The following GRM4 variants were observed in gnomAD, a reference collection of about 807,000 sequenced individuals.
GRM4 encodes glutamate metabotropic receptor 4, also known as metabotropic glutamate receptor 4.
In GRM4, 28 loss-of-function variants were observed where a neutral mutation model predicts 81.7. The ratio of observed to expected loss-of-function variants is 0.34; its 90% CI spans 0.25 to 0.47. The LOEUF (loss-of-function observed/expected upper bound fraction) is 0.47. Among genes scored for constraint, GRM4 ranks in the 20% least tolerant of loss-of-function variants. The pLI, the probability that GRM4 is intolerant of heterozygous loss-of-function variation, is 1.00. For synonymous variants in GRM4, 488 were observed against 528.8 expected, an observed-to-expected ratio of 0.92 and a Z score of 1.06; for missense variants, 948 against 1,290.0, an observed-to-expected ratio of 0.73 and a Z score of 4.06.
At chr6:34,098,925 C>T (rs554592716) in intron 2 of GRM4, among the ~76,000 whole-genome samples, 1 of 152,214 alleles carries the variant, frequency 6.6e-6, no homozygotes, top group African/African-American at 2.4e-5. Context: ...TTGCCAGCTG[C>T]CCTTCCCTCC....
intron 1 of GRM4, among the ~76,000 whole-genome samples, chr6:34,135,888 T>C (rs1225752207): frequency 6.6e-6 from 1 of 151,482 alleles, no homozygotes; most frequent in Non-Finnish European, 1.5e-5. Context: ...AATGGGTGAG[T>C]TGGAGTGAAA....
In GRM4 at chr6:34,069,621, C is replaced by T. The variant is rs1354545929; in HGVS notation, c.737-7593G>A. On this transcript the variant is annotated intron_variant, in intron 3 of 10. Coordinates refer to ENST00000538487, the MANE Select transcript of GRM4 (RefSeq NM_000841.4). The surrounding 1 kb of genome is among the most constrained non-coding windows in gnomAD (Gnocchi z 6.4). Reference sequence around the variant, plus strand: ...AGTCTCCAGCCCCTCAACACACTCCCGGCTTTACAACCCTTGGCAGCCCCC... The same window carrying T: ...AGTCTCCAGCCCCTCAACACACTCCTGGCTTTACAACCCTTGGCAGCCCCC... 6.7e-6 allele frequency among the ~76,000 whole-genome samples: 1 copy of T among 150,186 alleles called. No individual in the cohort carries two copies. Among genetic ancestry groups the T allele is most frequent in the South Asian group, 2.1e-4 (1 of 4,738 alleles).
intron 3 of GRM4, 82 bp downstream of exon 3, chr6:34,091,801 G>T: frequency 2.0e-6 from 2 of 1,020,524 alleles, no homozygotes; most frequent in Non-Finnish European, 3.0e-6. Flanking sequence ...TCAGGCCCCG[G>T]CTGGGAGCTC....
At position 34,048,350 on chromosome 6, in the gene GRM4, C is replaced by T. The variant is rs1581616223; in HGVS notation, c.1169-7602G>A. ...AGGAGAGTCACACCTGGCGCCTGCA[C>T]AGCCCCGTGCCCAAGAAGGATCAGC... On this transcript the variant is annotated intron_variant, in intron 6 of 10. Coordinates refer to ENST00000538487, the MANE Select transcript of GRM4 (RefSeq NM_000841.4). The surrounding 1 kb of genome is among the most constrained non-coding windows in gnomAD (Gnocchi z 4.0). Among the ~76,000 whole-genome samples, 1 of 152,090 alleles carries T rather than the reference C, an allele frequency of 6.6e-6. No individual in the cohort carries two copies. The highest frequency in any genetic ancestry group is 1.5e-5 in the Non-Finnish European group (1 of 68,014).
At chr6:34,091,130 C>T (rs1217221788) in intron 3 of GRM4, among the ~76,000 whole-genome samples, 1 of 152,200 alleles carries the variant, frequency 6.6e-6, no homozygotes, top group Non-Finnish European at 1.5e-5. Flanking sequence ...CCAGCCCTCT[C>T]AGGGCACCAG....
rs540395167 is a variant in GRM4 at position 34,074,513 on chromosome 6, G to T, written c.737-12485C>A. On this transcript the variant is annotated intron_variant, in intron 3 of 10. Transcript: ENST00000538487. This position sits in a 1 kb window ranked among gnomAD's most constrained non-coding sequence, Gnocchi z 4.9. Reference sequence around the variant, plus strand: ...TGGGCAGCGCAGGCAGTGTGGCTCAGAGCTGAGCCCTGCCGTCCCCTGCCA... The same window carrying T: ...TGGGCAGCGCAGGCAGTGTGGCTCATAGCTGAGCCCTGCCGTCCCCTGCCA... Among the ~76,000 whole-genome samples the T allele has an allele frequency of 1.4e-5, 2 of 138,674 alleles. No homozygotes were observed. 91.0% of individuals were successfully genotyped at this position (138,674 alleles called of 152,430 possible).
intron 3 of GRM4, among the ~76,000 whole-genome samples, chr6:34,073,071 C>CCA (rs1352465032): frequency 7.8e-5 from 2 of 25,504 alleles, no homozygotes; most frequent in South Asian, 1.4e-3. Context: ...CAGATACACA[C>CCA]CACACACATG....
At position 34,133,934 on chromosome 6, in the gene GRM4, A is replaced by G. The variant is rs963733; in HGVS notation, c.-363-75T>C. 0.011 allele frequency: 6,924 copies of G among 633,648 alleles called. 137 individuals carry two copies. In the East Asian group the frequency reaches 0.11, roughly 10 times the overall value. 39.3% of individuals were successfully genotyped at this position (633,648 alleles called of 1,614,324 possible). A position where few individuals can be genotyped will look rare whatever the true frequency, so the allele number is the denominator to read the frequency against. On this transcript the variant is annotated intron_variant, in intron 1 of 10. Transcript: ENST00000538487. The surrounding 1 kb of genome is among the most constrained non-coding windows in gnomAD (Gnocchi z 6.5). ...ACATTAGCTAGTCTCATCTCTCATC[A>G]GGAGCCTGAGAGAAGGAGATGCTAG... is the stretch of plus-strand genomic sequence containing the variant.
chr6:34,120,293 G>T (rs540913585), intron 2 of GRM4, among the ~76,000 whole-genome samples: 1 of 152,182 alleles, frequency 6.6e-6, no homozygotes, highest in East Asian at 1.9e-4. Context: ...CAGGGCCTGG[G>T]GCTCCCTGGC....
rs1394089677 is a variant in GRM4, at chr6:34,036,190, G to A, written c.1920C>T (p.Thr640=). ...GGTCGGGCTCAGCGATCATGAGGAA[G>A]GTGGTGGCATAGCACAGGAAGATGC... The part of the protein sequence containing the change: ...LAGIFLCYAT[T]FLMIAEPDLG... Residue 640 remains threonine, a synonymous_variant, in exon 9 of 11, where the codon ACC becomes ACT. Transcript: ENST00000538487. The surrounding 1 kb of genome is among the most constrained non-coding windows in gnomAD (Gnocchi z 9.0). The A allele has an allele frequency of 9.3e-6, 15 of 1,614,096 alleles. No homozygotes were observed. The highest frequency in any genetic ancestry group is 1.3e-5 in the African/African-American group (1 of 74,940).
At chr6:34,138,088 G>GA (rs1770536506) in intron 1 of GRM4, among the ~76,000 whole-genome samples, 1 of 152,204 alleles carries the variant, frequency 6.6e-6, no homozygotes, top group South Asian at 2.1e-4. Context: ...CCAAAACTAA[G>GA]AAAATAGAAC....
intron 2 of GRM4, among the ~76,000 whole-genome samples, chr6:34,096,323 A>G (rs1768515390): frequency 6.6e-6 from 1 of 151,790 alleles, no homozygotes; most frequent in South Asian, 2.1e-4. Context: ...CATCTCCCAC[A>G]TCCAAATCCC....
chr6:34,099,557 C>A (rs570885122), intron 2 of GRM4, among the ~76,000 whole-genome samples: 1 of 152,234 alleles, frequency 6.6e-6, no homozygotes, highest in Non-Finnish European at 1.5e-5. Flanking sequence ...GTGGGGCCAG[C>A]ACATAGAGAG....
chr6:34,056,771 G>T, intron 5 of GRM4, 87 bp from the exon 6 acceptor site: 1 of 1,449,808 alleles, frequency 6.9e-7, no homozygotes, highest in Non-Finnish European at 9.4e-7. Context: ...ATAAGAGATG[G>T]TCCAGGCGGA....
intron 3 of GRM4, among the ~76,000 whole-genome samples, chr6:34,085,564 A>G (rs538830597): frequency 1.3e-5 from 2 of 152,232 alleles, no homozygotes; most frequent in East Asian, 3.9e-4. Context: ...TGAGAGAGCA[A>G]CCTCTCAGGT....
intron 2 of GRM4, among the ~76,000 whole-genome samples, chr6:34,131,324 A>G (rs565451411): frequency 6.6e-6 from 1 of 152,358 alleles, no homozygotes; most frequent in South Asian, 2.1e-4. Context: ...CACTGATCAT[A>G]AAAAAATAAA....
Position 34,133,426 on chromosome 6 carries a change from C to A in GRM4, c.71G>T (p.Gly24Val). The A allele has an allele frequency of 3.7e-6, 6 of 1,612,298 alleles. No homozygotes were observed. The highest frequency in any genetic ancestry group is 5.1e-6 in the Non-Finnish European group (6 of 1,179,374). The change falls in exon 2 of 11, where the codon GGC becomes GTC. Residue 24 changes from glycine (G) to valine (V), a missense_variant. Gly to Val is a moderately radical substitution (Grantham distance 109, BLOSUM62 -3). Coordinates refer to ENST00000538487, the MANE Select transcript of GRM4 (RefSeq NM_000841.4). The surrounding 1 kb of genome is among the most constrained non-coding windows in gnomAD (Gnocchi z 6.5). Reference sequence around the variant, plus strand: ...TCCCAGGGAGGAAGGCATCCAGGGGCCGTAAAGGCTGAGGAGCAGGCAAAG... The same window carrying A: ...TCCCAGGGAGGAAGGCATCCAGGGGACGTAAAGGCTGAGGAGCAGGCAAAG... ...LPLCLLLSLY[G>V]PWMPSSLGKP...
Position 34,036,267 on chromosome 6 carries a change from T to C in GRM4, c.1843A>G (p.Thr615Ala), listed in dbSNP as rs1424070759. Reference protein sequence around the residue: ...VVITFVRYNDTPIVKASGREL... With the variant: ...VVITFVRYNDAPIVKASGREL... ...CGGCCCGAGGCCTTGACGATGGGCG[T>C]GTCGTTGTAGCGCACAAAGGTGATC... The change falls in exon 9 of 11, where the codon ACG (threonine) becomes GCG (alanine). Residue 615 changes from threonine (T) to alanine (A), a missense_variant. Physicochemically the swap from Thr to Ala is moderately conservative, Grantham distance 58. Coordinates refer to ENST00000538487, the MANE Select transcript of GRM4 (RefSeq NM_000841.4). The surrounding 1 kb of genome is among the most constrained non-coding windows in gnomAD (Gnocchi z 9.0). The C allele has an allele frequency of 6.2e-7, 1 of 1,614,124 alleles. No individual in the cohort carries two copies. Among genetic ancestry groups the C allele is most frequent in the South Asian group, 1.1e-5 (1 of 91,084 alleles).
Position 34,062,043 on chromosome 6 carries a change from C to A in GRM4, c.737-15G>T, listed in dbSNP as rs201484275. 72 of 1,601,232 alleles carry A rather than the reference C, an allele frequency of 4.5e-5. No homozygotes were observed. Among genetic ancestry groups the A allele is most frequent in the Non-Finnish European group, 5.5e-5 (64 of 1,170,720 alleles). The stretch of plus-strand genomic sequence containing the variant: ...GCACACGCCCCCTGCAGGAGGGGCA[C>A]CAGTTAGTTGGGGTGGGCAGGGGAA... On this transcript the variant is annotated splice_polypyrimidine_tract_variant and intron_variant, in intron 3 of 10. Transcript: ENST00000538487.
Sources: allele counts gnomAD v4.1 joint callset (sites outside exome capture counted in the v4.1 genomes callset), GRCh38; gene constraint gnomAD v4.1.1; non-coding constraint Gnocchi (gnomAD v3.1); transcripts MANE v1.5; gene names NCBI Gene and HGNC (gene_info 2026-07-23, HGNC 2026-07-21).